HSD17B3: variants seen among roughly 807,000 people sequenced by gnomAD.
The protein encoded by HSD17B3 is hydroxysteroid 17-beta dehydrogenase 3, also known as 17-beta-hydroxysteroid dehydrogenase type 3.
A neutral mutation model predicts 41.1 loss-of-function variants in HSD17B3; 29 were observed. That is an observed-to-expected ratio of 0.71 (90% confidence interval 0.53 to 0.96). HSD17B3 has a LOEUF of 0.96. Ranked by LOEUF, HSD17B3 falls within the 40% of genes least tolerant of loss-of-function variation. The pLI, the probability that HSD17B3 is intolerant of heterozygous loss-of-function variation, is 0.00. For synonymous variants in HSD17B3, 126 were observed against 145.6 expected (o/e 0.87, Z 0.97); for missense variants, 323 against 374.6 (o/e 0.86, Z 1.14).
intron 2 of HSD17B3, among the ~76,000 whole-genome samples, chr9:96,258,063 T>C (rs1180532354): frequency 6.6e-6 from 1 of 152,238 alleles, no homozygotes; most frequent in Admixed American, 6.5e-5. Flanking sequence ...CATTCTTCTA[T>C]GGAGTAACTT....
At chr9:96,237,607 A>C (rs1215441134) in intron 10 of HSD17B3, among the ~76,000 whole-genome samples, 1 of 152,162 alleles carries the variant, frequency 6.6e-6, no homozygotes, top group Non-Finnish European at 1.5e-5. Context: ...TTGGTAATAA[A>C]AGGGTCGCTT....
chr9:96,262,313 G>A (rs1001926392), intron 2 of HSD17B3, among the ~76,000 whole-genome samples: 3 of 141,118 alleles, frequency 2.1e-5, no homozygotes, highest in Admixed American at 7.8e-5. Flanking sequence ...GCACAATCTC[G>A]GCTCACTGCA....
intron 6 of HSD17B3, chr9:96,247,344 C>T (rs995255158): frequency 6.5e-6 from 1 of 152,684 alleles, no homozygotes; most frequent in Non-Finnish European, 1.5e-5. Context: ...AGGTTTGAGA[C>T]AAGGGACCCA....
intron 2 of HSD17B3, among the ~76,000 whole-genome samples, chr9:96,282,547 G>A (rs1388222815): frequency 6.6e-6 from 1 of 152,160 alleles, no homozygotes; most frequent in Non-Finnish European, 1.5e-5. Flanking sequence ...GATAAGGCCA[G>A]GGACATGTGG....
At chr9:96,238,847 G>T (rs1279817185) in intron 10 of HSD17B3, among the ~76,000 whole-genome samples, 1 of 152,130 alleles carries the variant, frequency 6.6e-6, no homozygotes, top group African/African-American at 2.4e-5. Context: ...TGGCACTGAG[G>T]GCAAAGAAGG....
At chr9:96,285,584 T>C (rs766659610) in intron 2 of HSD17B3, among the ~76,000 whole-genome samples, 3 of 152,244 alleles carry the variant, frequency 2.0e-5, no homozygotes, top group Admixed American at 6.5e-5. Context: ...GCTTTGCTGT[T>C]GTGGAACATA....
intron 2 of HSD17B3, among the ~76,000 whole-genome samples, chr9:96,256,846 G>T (rs1271700305): frequency 6.6e-6 from 1 of 151,932 alleles, no homozygotes; most frequent in Non-Finnish European, 1.5e-5. Flanking sequence ...GATATGGTTT[G>T]GATCTCATGT....
At chr9:96,242,032 T>TAA (rs59060950) in intron 9 of HSD17B3, among the ~76,000 whole-genome samples, 14 of 136,278 alleles carry the variant, frequency 1.0e-4, no homozygotes, top group Non-Finnish European at 1.8e-4. Flanking sequence ...AAAGAAAAAG[T>TAA]AAAAAAAAAA....
At chr9:96,265,878 C>T (rs2479822) in intron 2 of HSD17B3, among the ~76,000 whole-genome samples, 66,742 of 152,090 alleles carry the variant, frequency 0.44, 15,660 homozygotes, top group African/African-American at 0.61. Flanking sequence ...CACACAAACA[C>T]TTGGCAGAGA....
intron 2 of HSD17B3, among the ~76,000 whole-genome samples, chr9:96,293,891 G>C (rs1168929310): frequency 6.6e-6 from 1 of 152,144 alleles, no homozygotes; most frequent in Non-Finnish European, 1.5e-5. Context: ...ATCACTTCCA[G>C]CTCATTGATG....
intron 10 of HSD17B3, among the ~76,000 whole-genome samples, chr9:96,238,027 G>A (rs1183509217): frequency 6.6e-6 from 1 of 152,054 alleles, no homozygotes; most frequent in Non-Finnish European, 1.5e-5. Context: ...CCCAGCTACT[G>A]CGGAGGCTGA....
chr9:96,262,234 T>C (rs1825890175), intron 2 of HSD17B3, among the ~76,000 whole-genome samples: 1 of 122,600 alleles, frequency 8.2e-6, no homozygotes, highest in Non-Finnish European at 1.7e-5. Flanking sequence ...AATTGCTTTT[T>C]TTTTTTTTTT....
At chr9:96,285,044 G>A (rs1826863014) in intron 2 of HSD17B3, among the ~76,000 whole-genome samples, 1 of 152,020 alleles carries the variant, frequency 6.6e-6, no homozygotes, top group African/African-American at 2.4e-5. Context: ...TCACCATGTT[G>A]GCCAGGCTGG....
chr9:96,246,932 C>G (rs1159029915), intron 6 of HSD17B3, among the ~76,000 whole-genome samples: 1 of 152,152 alleles, frequency 6.6e-6, no homozygotes, highest in Non-Finnish European at 1.5e-5. Context: ...ACTCTTCATT[C>G]TGTGGGACAG....
intron 2 of HSD17B3, among the ~76,000 whole-genome samples, chr9:96,275,027 C>A (rs1438867480): frequency 1.3e-5 from 2 of 151,856 alleles, no homozygotes; most frequent in Non-Finnish European, 2.9e-5. Context: ...CCCCTACTAG[C>A]AGATTTCTCA....
At chr9:96,283,251 T>G (rs1356830507) in intron 2 of HSD17B3, among the ~76,000 whole-genome samples, 1 of 152,054 alleles carries the variant, frequency 6.6e-6, no homozygotes, top group Non-Finnish European at 1.5e-5. Flanking sequence ...GTGATCCACC[T>G]GCCTCAATCT....
At chr9:96,293,770 A>G (rs1470563619) in intron 2 of HSD17B3, among the ~76,000 whole-genome samples, 1 of 152,108 alleles carries the variant, frequency 6.6e-6, no homozygotes, top group Non-Finnish European at 1.5e-5. Context: ...AAGGAATCAC[A>G]GTTTAAATAT....
intron 2 of HSD17B3, among the ~76,000 whole-genome samples, chr9:96,283,654 A>T (rs1302536107): frequency 1.3e-5 from 2 of 152,152 alleles, no homozygotes; most frequent in Non-Finnish European, 2.9e-5. Context: ...CCACAAAGGT[A>T]ACCAAATTTC....
intron 10 of HSD17B3, among the ~76,000 whole-genome samples, chr9:96,240,303 G>C (rs544434079): frequency 2.8e-4 from 42 of 152,318 alleles, no homozygotes; most frequent in African/African-American, 9.6e-4. Flanking sequence ...TGCACACAGC[G>C]TCATGTCCGT....
Sources: allele counts gnomAD v4.1 joint callset (sites outside exome capture counted in the v4.1 genomes callset), GRCh38; gene constraint gnomAD v4.1.1; transcripts MANE v1.5; gene names NCBI Gene and HGNC (gene_info 2026-07-23, HGNC 2026-07-21).